P2RY6: variants seen among roughly 807,000 people sequenced by gnomAD.
P2RY6 encodes the protein P2Y purinoceptor 6.
Under a neutral mutation model 16.3 loss-of-function variants are expected in P2RY6, and 19 were observed. The observed-to-expected ratio is 1.16, with a 90% CI of 0.81 to 1.71. The LOEUF (loss-of-function observed/expected upper bound fraction) is 1.71, where lower values mean the gene tolerates loss of function less well. P2RY6 is among the 40% of genes most tolerant of loss of function. The probability of loss-of-function intolerance (pLI) is 0.00; values close to 1 mark genes in which losing one functional copy is unlikely to be tolerated. For synonymous variants in P2RY6, 184 were observed against 201.5 expected (o/e 0.91, Z 0.74); for missense variants, 389 against 455.5 (o/e 0.85, Z 1.33).
In P2RY6 at chr11:73,294,969, C is replaced by T. The variant is rs370572361; in HGVS notation, c.-120-761C>T. Among the ~76,000 whole-genome samples the T allele has an allele frequency of 2.6e-5, 4 of 152,326 alleles. No homozygotes were observed. The East Asian group carries it at 5.8e-4, about 22-fold the overall frequency. ...GAGCATCTGGATCAGAGTCCATATA[C>T]TTTGCCTGAACCCTTTACCACCCAC... On this transcript the variant is annotated intron_variant, in intron 1 of 2. Transcript: ENST00000540124.
At chr11:73,266,665 C>T (rs1054962477) in intron 1 of P2RY6, among the ~76,000 whole-genome samples, 17 of 152,170 alleles carry the variant, frequency 1.1e-4, no homozygotes, top group African/African-American at 3.9e-4. Context: ...AGGAGTTGCC[C>T]GGAGGCCTTG....
At chr11:73,267,673 C>A (rs577425143), upstream of P2RY6, among the ~76,000 whole-genome samples, 1 of 152,290 alleles carries the variant, frequency 6.6e-6, no homozygotes, top group South Asian at 2.1e-4. Context: ...GGGTGGAGAG[C>A]TCCAAAATTC....
intron 1 of P2RY6, among the ~76,000 whole-genome samples, chr11:73,291,429 A>T (rs1272170353): frequency 6.6e-6 from 1 of 152,152 alleles, no homozygotes; most frequent in Non-Finnish European, 1.5e-5. Context: ...CTGGCTGCTG[A>T]GCTGAAGGCC....
At chr11:73,284,326 C>T (rs555187031) in intron 1 of P2RY6, among the ~76,000 whole-genome samples, 1 of 152,188 alleles carries the variant, frequency 6.6e-6, no homozygotes, top group South Asian at 2.1e-4. Context: ...CATGGGAATC[C>T]TGGGTCCTGG....
At chr11:73,265,739 T>C (rs570775149) in intron 1 of P2RY6, among the ~76,000 whole-genome samples, 1 of 152,088 alleles carries the variant, frequency 6.6e-6, no homozygotes, top group Admixed American at 6.5e-5. Flanking sequence ...AAGAAGGGGG[T>C]TCCCCTAGCA....
chr11:73,286,045 C>T (rs943415911), intron 1 of P2RY6, among the ~76,000 whole-genome samples: 2 of 152,168 alleles, frequency 1.3e-5, no homozygotes, highest in African/African-American at 4.8e-5. Flanking sequence ...GAGTGAGCTC[C>T]CTGCAATGGG....
intron 2 of P2RY6, among the ~76,000 whole-genome samples, chr11:73,296,233 A>AAAATAT (rs57187973): frequency 3.3e-4 from 41 of 124,480 alleles, no homozygotes; most frequent in Non-Finnish European, 5.0e-4. Context: ...GAAAAAAAAA[A>AAAATAT]ATATATATAT....
chr11:73,297,067 T>C lies in P2RY6; in HGVS notation c.549T>C (p.Pro183=). ...NRTVCYDLSP[P]ALATHYMPYG... Reference sequence around the variant, plus strand: ...CTGTCTGCTATGACCTCAGCCCGCCTGCCCTGGCCACCCACTATATGCCCT... The same window carrying C: ...CTGTCTGCTATGACCTCAGCCCGCCCGCCCTGGCCACCCACTATATGCCCT... The change falls in exon 3 of 3, where the codon CCT becomes CCC. Residue 183 remains proline (P), a synonymous_variant. Transcript: ENST00000540124. The C allele has an allele frequency of 1.2e-6, 2 of 1,601,784 alleles. No individual in the cohort carries two copies. Among genetic ancestry groups the C allele is most frequent in the African/African-American group, 2.7e-5 (2 of 75,078 alleles).
At chr11:73,286,629 A>G (rs533837346) in intron 1 of P2RY6, among the ~76,000 whole-genome samples, 2 of 151,336 alleles carry the variant, frequency 1.3e-5, no homozygotes, top group African/African-American at 2.4e-5. Context: ...CCCGGCGCTC[A>G]TCTTTATAGA....
intron 1 of P2RY6, among the ~76,000 whole-genome samples, chr11:73,283,517 C>T (rs909119307): frequency 4.6e-5 from 7 of 152,164 alleles, no homozygotes; most frequent in East Asian, 3.9e-4. Flanking sequence ...TGCTCAGGGA[C>T]GTCAAGCCCA....
intron 2 of P2RY6, among the ~76,000 whole-genome samples, chr11:73,296,231 A>ATAT (rs1428431818): frequency 1.2e-3 from 150 of 123,030 alleles, no homozygotes; most frequent in East Asian, 2.1e-3. Flanking sequence ...AGGAAAAAAA[A>ATAT]AAATATATAT....
chr11:73,297,379 G>A lies in P2RY6; in HGVS notation c.861G>A (p.Arg287=), dbSNP rs1443084284. ...EAFAAAYKGT[R]PFASANSVLD... ...TTGCAGCGGCCTACAAAGGCACGCGGCCGTTTGCCAGTGCCAACAGCGTGC... is the reference window on the plus strand; with the variant it reads ...TTGCAGCGGCCTACAAAGGCACGCGACCGTTTGCCAGTGCCAACAGCGTGC... The change falls in exon 3 of 3, where the codon CGG becomes CGA. Residue 287 remains arginine, a synonymous_variant. Transcript: ENST00000540124. 1 of 1,612,060 alleles carries A rather than the reference G, an allele frequency of 6.2e-7. No individual in the cohort carries two copies. The highest frequency in any genetic ancestry group is 1.3e-5 in the African/African-American group (1 of 74,958).
rs369328048 is a variant in P2RY6 at position 73,296,981 on chromosome 11, G to A, written c.463G>A (p.Val155Met). The A allele has an allele frequency of 1.2e-5, 19 of 1,601,900 alleles. No homozygotes were observed. The African/African-American group carries it at 1.3e-4, about 11-fold the overall frequency. The change falls in exon 3 of 3, where the codon GTG (valine) becomes ATG (methionine). Residue 155 changes from valine to methionine, a missense_variant. Val to Met is a conservative substitution (Grantham distance 21). Transcript: ENST00000540124. ...AGTGTGTGTAGCCGTGTGGCTGGCC[G>A]TGACAACCCAGTGCCTGCCCACAGC... ...WLVCVAVWLA[V>M]TTQCLPTAIF...
At chr11:73,268,885 G>T (rs1863192104), upstream of P2RY6, among the ~76,000 whole-genome samples, 2 of 152,232 alleles carry the variant, frequency 1.3e-5, no homozygotes, top group Admixed American at 6.5e-5. Flanking sequence ...CCTGCCAGGG[G>T]CCTCATTACA....
intron 1 of P2RY6, among the ~76,000 whole-genome samples, chr11:73,286,436 C>T (rs1374517603): frequency 1.3e-5 from 2 of 152,112 alleles, no homozygotes; most frequent in African/African-American, 2.4e-5. Flanking sequence ...CCCACAATAA[C>T]CACTTGGCGG....
rs780236031 is a variant in P2RY6, at chr11:73,297,526, C to G, written c.*21C>G. The G allele has an allele frequency of 6.3e-7, 1 of 1,584,472 alleles. No homozygotes were observed. The highest frequency in any genetic ancestry group is 1.1e-5 in the South Asian group (1 of 89,340). The stretch of plus-strand genomic sequence containing the variant: ...GCTGAGTCCTCCAGGTCCTGGGCAG[C>G]CTTCATATTTGCCATTGTGTCCGGG... On this transcript the variant is annotated 3_prime_UTR_variant, in exon 3 of 3. Coordinates refer to ENST00000540124, the MANE Select transcript of P2RY6 (RefSeq NM_001277204.2).
intron 1 of P2RY6, among the ~76,000 whole-genome samples, chr11:73,294,074 G>A (rs1864379857): frequency 6.6e-6 from 1 of 151,942 alleles, no homozygotes; most frequent in African/African-American, 2.4e-5. Context: ...CCCTGTATGA[G>A]AGGAGATCAG....
At chr11:73,286,387 G>A (rs774514406) in intron 1 of P2RY6, among the ~76,000 whole-genome samples, 3 of 152,026 alleles carry the variant, frequency 2.0e-5, no homozygotes, top group African/African-American at 7.2e-5. Context: ...GCCTACCTTC[G>A]GGCCTCAGGG....
At chr11:73,296,398 G>C in intron 2 of P2RY6, 87 bp from the exon 3 acceptor site, 1 of 1,212,510 alleles carries the variant, frequency 8.2e-7, no homozygotes, top group East Asian at 2.4e-5. Flanking sequence ...TCACTGTTCA[G>C]ACAGGGAGAT....
Sources: gnomAD v4.1 joint callset for allele counts (sites outside exome capture counted in the v4.1 genomes callset) on GRCh38, gnomAD v4.1.1 for gene constraint, MANE v1.5 for transcripts, NCBI Gene and HGNC (gene_info 2026-07-23, HGNC 2026-07-21) for gene names.